The following SBK1 variants were observed in gnomAD, a reference collection of about 807,000 sequenced individuals.
SBK1 encodes the protein SH3 domain binding kinase 1, also known as serine/threonine-protein kinase SBK1.
A neutral mutation model predicts 24.4 loss-of-function variants in SBK1; 11 were observed. That is an observed-to-expected ratio of 0.45 (90% confidence interval 0.28 to 0.75). The LOEUF is 0.75. Ranked by LOEUF, SBK1 falls within the 30% of genes least tolerant of loss-of-function variation. The pLI is 0.12. For missense variants in SBK1, 467 were observed against 620.5 expected, an observed-to-expected ratio of 0.75 and a Z score of 2.63; for synonymous variants, 308 against 284.4, an observed-to-expected ratio of 1.08 and a Z score of -0.83.
At position 28,320,390 on chromosome 16, in the gene SBK1, C is replaced by T. The variant is rs753529800; in HGVS notation, c.744C>T (p.Thr248=). The T allele has an allele frequency of 6.9e-6, 11 of 1,592,008 alleles. No homozygotes were observed. The highest frequency in any genetic ancestry group is 2.2e-5 in the South Asian group (2 of 90,856). ...AFGVLIFCVL[T]GNFPWEAASG... is the part of the protein sequence containing the mutation. ...GCGTGCTCATCTTCTGCGTGCTCAC[C>T]GGCAACTTCCCGTGGGAGGCGGCGT... Residue 248 remains threonine (T), a synonymous_variant, in exon 4 of 4, where the codon ACC becomes ACT. Transcript: ENST00000341901. This position sits in a 1 kb window ranked among gnomAD's most constrained non-coding sequence, Gnocchi z 8.5.
chr16:28,259,744 C>T lies in SBK1; in HGVS notation c.257+242C>T, dbSNP rs1342758844. Among the ~76,000 whole-genome samples, 1 of 152,154 alleles carries T rather than the reference C, an allele frequency of 6.6e-6. No individual in the cohort carries two copies. Among genetic ancestry groups the T allele is most frequent in the Middle Eastern group, 3.2e-3 (1 of 316 alleles). The stretch of plus-strand genomic sequence containing the variant: ...CGTCCTCTCCCACAGTGAGCATGTC[C>T]CTCCCCTGCTCAGAGCCCTCCATGG... On this transcript the variant is annotated intron_variant, in intron 1 of 3. Transcript: ENST00000671413. The surrounding 1 kb of genome is among the most constrained non-coding windows in gnomAD (Gnocchi z 6.0).
Position 28,292,852 on chromosome 16 carries a change from C to G in SBK1, c.-456C>G, listed in dbSNP as rs930787869. 2 of 984,596 alleles carry G rather than the reference C, an allele frequency of 2.0e-6. No individual in the cohort carries two copies. The highest frequency in any genetic ancestry group is 1.2e-4 in the Admixed American group (2 of 16,260). 61.0% of individuals were successfully genotyped at this position (984,596 alleles called of 1,614,324 possible). A position where few individuals can be genotyped will look rare whatever the true frequency, so the allele number is the denominator to read the frequency against. The stretch of plus-strand genomic sequence containing the variant: ...CCCCTGCGGGGAAAGCGGAGACTTC[C>G]TCGGTATTTAGAAGACAGCAAGCCC... On this transcript the variant is annotated 5_prime_UTR_variant, in exon 1 of 4. Transcript: ENST00000341901.
chr16:28,272,567 C>T (rs2141562381), intron 1 of SBK1, among the ~76,000 whole-genome samples: 1 of 151,196 alleles, frequency 6.6e-6, no homozygotes, highest in East Asian at 1.9e-4. Flanking sequence ...TGCATAATGT[C>T]CTTGAGTTTC....
chr16:28,268,016 G>A (rs1361885857), intron 1 of SBK1, among the ~76,000 whole-genome samples: 2 of 152,006 alleles, frequency 1.3e-5, no homozygotes, highest in African/African-American at 4.8e-5. Context: ...GCGTGGTGGT[G>A]TGCACCTGTA....
intron 1 of SBK1, among the ~76,000 whole-genome samples, chr16:28,303,915 C>T (rs940654527): frequency 6.6e-6 from 1 of 152,122 alleles, no homozygotes; most frequent in African/African-American, 2.4e-5. Flanking sequence ...GAGCTAGTGA[C>T]AACTGCTGTG....
chr16:28,260,329 A>G (rs1198815821), intron 1 of SBK1, among the ~76,000 whole-genome samples: 1 of 152,078 alleles, frequency 6.6e-6, no homozygotes, highest in Non-Finnish European at 1.5e-5. Flanking sequence ...CTGCAGGGAA[A>G]CCCAGGCTCC....
chr16:28,312,965 C>T lies in SBK1; in HGVS notation c.-7-4420C>T, dbSNP rs1318272781. 2.6e-5 allele frequency among the ~76,000 whole-genome samples: 4 copies of T among 152,300 alleles called. No individual in the cohort carries two copies. The East Asian group carries it at 7.7e-4, about 29-fold the overall frequency. ...CCTGACCAACATGGAGAAACCCTGT[C>T]TCTACTAAAAATACAAAAATTAGGC... On this transcript the variant is annotated intron_variant, in intron 1 of 3. Transcript: ENST00000341901.
chr16:28,260,544 G>A (rs1159159599), intron 1 of SBK1, among the ~76,000 whole-genome samples: 1 of 152,230 alleles, frequency 6.6e-6, no homozygotes, highest in African/African-American at 2.4e-5. Flanking sequence ...TGGGCCAGGC[G>A]AGGGCTCCTG....
chr16:28,313,361 A>C (rs2044767572), intron 1 of SBK1, among the ~76,000 whole-genome samples: 1 of 151,802 alleles, frequency 6.6e-6, no homozygotes, highest in Non-Finnish European at 1.5e-5. Context: ...CTGTAATCCC[A>C]GCACTTTGGA....
At chr16:28,305,041 G>A (rs1365319915) in intron 1 of SBK1, among the ~76,000 whole-genome samples, 1 of 151,396 alleles carries the variant, frequency 6.6e-6, no homozygotes, top group Non-Finnish European at 1.5e-5. Flanking sequence ...GCCATATGGT[G>A]GAACTTCAGG....
chr16:28,309,770 CAGGGG>C, intron 1 of SBK1, among the ~76,000 whole-genome samples: 1 of 152,272 alleles, frequency 6.6e-6, no homozygotes, highest in South Asian at 2.1e-4. Flanking sequence ...CCCCCCTTCT[CAGGGG>C]TTTTGTGAGG....
chr16:28,281,335 A>G (rs953924515), intron 1 of SBK1, among the ~76,000 whole-genome samples: 2 of 152,096 alleles, frequency 1.3e-5, no homozygotes, highest in Admixed American at 6.6e-5. Flanking sequence ...AGCTCAGCCA[A>G]GCCTCCCTCA....
intron 1 of SBK1, among the ~76,000 whole-genome samples, chr16:28,306,329 C>G (rs1460936095): frequency 1.3e-5 from 2 of 152,214 alleles, no homozygotes; most frequent in African/African-American, 4.8e-5. Flanking sequence ...TTTCCGATGA[C>G]TTTGAGTTCT....
chr16:28,268,815 C>G (rs1408872514), intron 1 of SBK1, among the ~76,000 whole-genome samples: 1 of 151,970 alleles, frequency 6.6e-6, no homozygotes, highest in Admixed American at 6.6e-5. Context: ...TGGTGTTGAT[C>G]CAGCAGTCTT....
intron 1 of SBK1, among the ~76,000 whole-genome samples, chr16:28,316,414 C>T (rs994623667): frequency 6.6e-6 from 1 of 152,162 alleles, no homozygotes; most frequent in Non-Finnish European, 1.5e-5. Flanking sequence ...GGTGTTTGTT[C>T]CATGCTGTGT....
Position 28,308,740 on chromosome 16 carries a change from G to GGTGTGTGTGT in SBK1, c.-7-8614_-7-8605dup, listed in dbSNP as rs763015809. Among the ~76,000 whole-genome samples the GGTGTGTGTGT allele has an allele frequency of 6.9e-3, 904 of 130,558 alleles. 7 individuals are homozygous for GGTGTGTGTGT. Among genetic ancestry groups the GGTGTGTGTGT allele is most frequent in the Middle Eastern group, 8.3e-3 (2 of 240 alleles). 85.7% of individuals were successfully genotyped at this position (130,558 alleles called of 152,430 possible). On this transcript the variant is annotated intron_variant, in intron 1 of 3. Transcript: ENST00000341901. ...AGCTATCGTGCCTGGCGTTCTTTGG[G>GGTGTGTGTGT]GTGTGTGTGTGTGTGTGTGTGTGTG...
At chr16:28,260,865 C>T (rs1462866432) in intron 1 of SBK1, among the ~76,000 whole-genome samples, 1 of 152,124 alleles carries the variant, frequency 6.6e-6, no homozygotes, top group Non-Finnish European at 1.5e-5. Flanking sequence ...GCAAAACAGA[C>T]CACCTCTGCC....
chr16:28,278,988 G>A (rs2044512081), intron 1 of SBK1, among the ~76,000 whole-genome samples: 1 of 152,202 alleles, frequency 6.6e-6, no homozygotes, highest in Non-Finnish European at 1.5e-5. Flanking sequence ...CACTTTGGGA[G>A]GCCAAGGCGG....
chr16:28,272,521 T>G (rs938018804), intron 1 of SBK1, among the ~76,000 whole-genome samples: 2 of 152,282 alleles, frequency 1.3e-5, no homozygotes, highest in Admixed American at 1.3e-4. Flanking sequence ...TAAGTGGAAT[T>G]ATGAGATATG....
Sources: gnomAD v4.1 joint callset for allele counts (sites outside exome capture counted in the v4.1 genomes callset) on GRCh38, gnomAD v4.1.1 for gene constraint, Gnocchi (gnomAD v3.1) non-coding constraint, MANE v1.5 for transcripts, NCBI Gene and HGNC (gene_info 2026-07-23, HGNC 2026-07-21) for gene names.